CACHD1: variants seen among roughly 807,000 people sequenced by gnomAD.
The protein encoded by CACHD1 is VWFA and cache domain-containing protein 1.
CACHD1 carries 71 observed loss-of-function variants against 138.7 expected under a neutral mutation model. The observed-to-expected ratio is 0.51, with a 90% CI of 0.42 to 0.62. The LOEUF is 0.62. Among genes scored for constraint, CACHD1 ranks in the 20% least tolerant of loss-of-function variants. The probability of loss-of-function intolerance (pLI) is 0.00; values close to 1 mark genes in which losing one functional copy is unlikely to be tolerated. For synonymous variants in CACHD1, 578 were observed against 591.5 expected (o/e 0.98, Z 0.33); for missense variants, 1,389 against 1,625.3 (o/e 0.85, Z 2.50).
intron 4 of CACHD1, among the ~76,000 whole-genome samples, chr1:64,620,366 A>G (rs1647866311): frequency 6.6e-6 from 1 of 152,134 alleles, no homozygotes; most frequent in South Asian, 2.1e-4. Context: ...TTGTAAGCAG[A>G]TTTCTAATTC....
intron 1 of CACHD1, among the ~76,000 whole-genome samples, chr1:64,513,192 C>T (rs563716537): frequency 1.3e-5 from 2 of 152,270 alleles, no homozygotes; most frequent in South Asian, 2.1e-4. Flanking sequence ...TGACATGTGA[C>T]GATGGCAGGG....
intron 26 of CACHD1, among the ~76,000 whole-genome samples, chr1:64,683,688 G>A (rs1442741109): frequency 6.6e-6 from 1 of 152,186 alleles, no homozygotes; most frequent in Non-Finnish European, 1.5e-5. Flanking sequence ...TTGGATCCAT[G>A]TTATCCCCAA....
intron 14 of CACHD1, chr1:64,664,155 C>A (rs1570463937): frequency 2.2e-6 from 1 of 451,036 alleles, no homozygotes; most frequent in Non-Finnish European, 3.9e-6. Flanking sequence ...GTAAAGTGCC[C>A]CTGCTGTCTC....
intron 1 of CACHD1, among the ~76,000 whole-genome samples, chr1:64,537,628 T>A (rs1383284502): frequency 6.6e-6 from 1 of 152,208 alleles, no homozygotes. Flanking sequence ...TCCGAAGGCT[T>A]CAGAAATGCT....
chr1:64,556,314 A>C (rs1273966728), intron 2 of CACHD1, among the ~76,000 whole-genome samples: 2 of 152,230 alleles, frequency 1.3e-5, no homozygotes, highest in African/African-American at 4.8e-5. Flanking sequence ...GATAAAGTAA[A>C]AATAGGTTAG....
At chr1:64,585,858 G>T (rs753957281) in intron 3 of CACHD1, among the ~76,000 whole-genome samples, 18 of 152,114 alleles carry the variant, frequency 1.2e-4, no homozygotes, top group Non-Finnish European at 2.2e-4. Flanking sequence ...TCTAGACTTT[G>T]GTTGAACACA....
intron 13 of CACHD1, among the ~76,000 whole-genome samples, chr1:64,663,478 G>A (rs1489591178): frequency 6.6e-6 from 1 of 151,166 alleles, no homozygotes; most frequent in Non-Finnish European, 1.5e-5. Context: ...AGGAACCCAG[G>A]AGGCGGAGTT....
chr1:64,539,828 A>G (rs1221014062), intron 1 of CACHD1, among the ~76,000 whole-genome samples: 1 of 152,104 alleles, frequency 6.6e-6, no homozygotes, highest in African/African-American at 2.4e-5. Flanking sequence ...CTCTTTTCCT[A>G]TTTAAATCTT....
chr1:64,596,066 G>T (rs1455356218), intron 3 of CACHD1, among the ~76,000 whole-genome samples: 1 of 152,134 alleles, frequency 6.6e-6, no homozygotes, highest in Non-Finnish European at 1.5e-5. Context: ...CAGCTTTTTG[G>T]TTGGCCCATC....
intron 13 of CACHD1, among the ~76,000 whole-genome samples, chr1:64,660,194 G>A (rs1649395372): frequency 6.6e-6 from 1 of 152,214 alleles, no homozygotes; most frequent in Non-Finnish European, 1.5e-5. Context: ...GTGTGAGCAA[G>A]CTACTGCTGG....
chr1:64,488,093 A>G (rs1646253907), intron 1 of CACHD1, among the ~76,000 whole-genome samples: 1 of 152,194 alleles, frequency 6.6e-6, no homozygotes. Flanking sequence ...AGTTACAAAG[A>G]GAATTGGTAC....
chr1:64,514,411 A>G (rs1286550390), intron 1 of CACHD1, among the ~76,000 whole-genome samples: 2 of 152,220 alleles, frequency 1.3e-5, no homozygotes, highest in Non-Finnish European at 2.9e-5. Flanking sequence ...TATCTAGTTA[A>G]AAAGGACTCT....
chr1:64,664,510 A>G lies in CACHD1; in HGVS notation c.2107A>G (p.Asn703Asp). ...CTTTGTTTCCCAGTTCTCTGTCAGA[A>G]ATGAAGTAATGGCTACCAGCCACGT... ...ANPGLKFSVR[N>D]EVMATSHVTD... The change falls in exon 15 of 27, where the codon AAT (asparagine) becomes GAT (aspartate). Residue 703 changes from asparagine (N) to aspartate (D), a missense_variant. Physicochemically the swap from Asn to Asp is conservative, Grantham distance 23. Around this residue, in one of 5 missense-constraint regions of CACHD1, gnomAD observed 1,000 missense variants for 1,114.7 expected, o/e 0.90. Transcript: ENST00000651257. 1 of 1,614,166 alleles carries G rather than the reference A, an allele frequency of 6.2e-7. No individual in the cohort carries two copies.
chr1:64,582,383 C>A, intron 3 of CACHD1, 79 bp downstream of exon 3: 1 of 1,288,472 alleles, frequency 7.8e-7, no homozygotes, highest in Non-Finnish European at 1.1e-6. Context: ...TTCAAAATAC[C>A]TGTGTTTATT....
chr1:64,678,229 C>T lies in CACHD1; in HGVS notation c.3163C>T (p.Pro1055Ser). 6.2e-7 allele frequency: 1 copy of T among 1,611,950 alleles called. No individual in the cohort carries two copies. Among genetic ancestry groups the T allele is most frequent in the Non-Finnish European group, 8.5e-7 (1 of 1,179,200 alleles). Residue 1055 changes from proline to serine, a missense_variant, in exon 23 of 27, where the codon CCC (proline) becomes TCC (serine). Physicochemically the swap from Pro to Ser is moderately conservative, Grantham distance 74. Transcript: ENST00000651257. The part of the protein sequence containing the change: ...DSDGKTHLDK[P>S]YCAPQKECFG... The stretch of plus-strand genomic sequence containing the variant: ...TGATGGAAAGACTCACCTGGACAAA[C>T]CCTACTGTGCCCCCCAGAAAGAATG...
intron 13 of CACHD1, among the ~76,000 whole-genome samples, chr1:64,660,258 T>C (rs538080573): frequency 2.0e-5 from 3 of 152,302 alleles, no homozygotes; most frequent in African/African-American, 7.2e-5. Context: ...AATAGTTTTC[T>C]TGATGAAAAA....
intron 2 of CACHD1, among the ~76,000 whole-genome samples, chr1:64,576,691 TG>T (rs1213279789): frequency 6.6e-6 from 1 of 152,142 alleles, no homozygotes; most frequent in Non-Finnish European, 1.5e-5. Context: ...GGCATCACAG[TG>T]TTCTCTTACT....
intron 3 of CACHD1, among the ~76,000 whole-genome samples, chr1:64,595,257 G>A (rs955038305): frequency 2.4e-4 from 36 of 152,184 alleles, no homozygotes; most frequent in African/African-American, 7.2e-4. Flanking sequence ...TACAGTCTCC[G>A]GTCTCTAGTC....
At chr1:64,577,945 C>G (rs1305505235) in intron 2 of CACHD1, among the ~76,000 whole-genome samples, 1 of 152,194 alleles carries the variant, frequency 6.6e-6, no homozygotes, top group African/African-American at 2.4e-5. Context: ...CCCGATCCCC[C>G]AGTAAAACAC....
Sources: gnomAD v4.1 joint callset for allele counts (sites outside exome capture counted in the v4.1 genomes callset) on GRCh38, gnomAD v4.1.1 for gene constraint, gnomAD v4.1.1 regional missense constraint, MANE v1.5 for transcripts, NCBI Gene and HGNC (gene_info 2026-07-23, HGNC 2026-07-21) for gene names.